Variants in CADPS observed in about 807,000 individuals in gnomAD.
CADPS encodes calcium dependent secretion activator.
CADPS carries 57 observed loss-of-function variants against 167.3 expected under a neutral mutation model. The observed-to-expected ratio is 0.34, with a 90% confidence interval of 0.28 to 0.42. CADPS has a LOEUF of 0.42. CADPS is among the 20% of genes least tolerant of loss of function. CADPS has a pLI of 1.00. For missense variants in CADPS, 1,414 were observed against 1,738.1 expected, an observed-to-expected ratio of 0.81 and a Z score of 3.32; for synonymous variants, 676 against 635.3, an observed-to-expected ratio of 1.06 and a Z score of -0.96.
intron 1 of CADPS, among the ~76,000 whole-genome samples, chr3:62,817,975 G>T (rs1172673017): frequency 2.0e-5 from 3 of 152,120 alleles, no homozygotes; most frequent in Non-Finnish European, 4.4e-5. Flanking sequence ...AATAATTATA[G>T]TAATACCTGT....
chr3:62,586,970 T>A (rs2148654903), intron 7 of CADPS, among the ~76,000 whole-genome samples: 1 of 152,370 alleles, frequency 6.6e-6, no homozygotes, highest in East Asian at 1.9e-4. Context: ...CAAGGTACAT[T>A]GTTGATGACA....
chr3:62,728,418 A>C (rs1242500075), intron 3 of CADPS, among the ~76,000 whole-genome samples: 5 of 151,778 alleles, frequency 3.3e-5, no homozygotes, highest in African/African-American at 1.2e-4. Context: ...TTTTTCCTAA[A>C]ATAAATTCAT....
At chr3:62,408,491 A>G (rs1384057233) in intron 28 of CADPS, among the ~76,000 whole-genome samples, 2 of 152,206 alleles carry the variant, frequency 1.3e-5, no homozygotes, top group Non-Finnish European at 2.9e-5. Flanking sequence ...GGAAGGGATT[A>G]GGCTTGAGAC....
At chr3:62,801,176 TA>T (rs2093740269) in intron 1 of CADPS, among the ~76,000 whole-genome samples, 1 of 152,104 alleles carries the variant, frequency 6.6e-6, no homozygotes, top group African/African-American at 2.4e-5. Flanking sequence ...TCAAGAACAC[TA>T]GTGAAATATG....
chr3:62,516,269 A>G lies in CADPS; in HGVS notation c.2458-87T>C, dbSNP rs2068971476. The G allele has an allele frequency of 4.0e-6, 6 of 1,510,720 alleles. No homozygotes were observed. In the Admixed American group the frequency reaches 1.1e-4, roughly 27 times the overall value. 93.6% of individuals were successfully genotyped at this position (1,510,720 alleles called of 1,614,324 possible). A position where few individuals can be genotyped will look rare whatever the true frequency, so the allele number is the denominator to read the frequency against. On this transcript the variant is annotated intron_variant, in intron 15 of 29. Coordinates refer to ENST00000383710, the MANE Select transcript of CADPS (RefSeq NM_003716.4). Reference sequence around the variant, plus strand: ...CTTCTTAGAAGCGTGAAAGTTTAAAATCAGTTCTTTGTGACTTAATAAGAT... The same window carrying G: ...CTTCTTAGAAGCGTGAAAGTTTAAAGTCAGTTCTTTGTGACTTAATAAGAT...
intron 6 of CADPS, among the ~76,000 whole-genome samples, chr3:62,627,582 A>C (rs1365264673): frequency 6.6e-6 from 1 of 152,158 alleles, no homozygotes; most frequent in Non-Finnish European, 1.5e-5. Context: ...ATAATCTGAG[A>C]ATCTTTAAAA....
At chr3:62,484,783 G>T (rs1452073) in intron 21 of CADPS, among the ~76,000 whole-genome samples, 149,356 of 152,258 alleles carry the variant, frequency 0.98, 73,380 homozygotes, top group African/African-American at 0.99. Flanking sequence ...AGAAGGGATA[G>T]AGTTGTACCT....
At chr3:62,800,158 C>G (rs534896614) in intron 1 of CADPS, among the ~76,000 whole-genome samples, 36 of 152,272 alleles carry the variant, frequency 2.4e-4, no homozygotes, top group Middle Eastern at 3.4e-3. Context: ...AGCACATGCC[C>G]TCTGCTGTGC....
chr3:62,601,341 A>G lies in CADPS; in HGVS notation c.1326-8593T>C, dbSNP rs2059936145. On this transcript the variant is annotated intron_variant, in intron 6 of 29. Transcript: ENST00000383710. The surrounding 1 kb of genome is among the most constrained non-coding windows in gnomAD (Gnocchi z 4.3). Reference sequence around the variant, plus strand: ...GCAATGGCAGAATTGAGTAGTTATGACAGAGAATATAGGGCCAACAAACCG... The same window carrying G: ...GCAATGGCAGAATTGAGTAGTTATGGCAGAGAATATAGGGCCAACAAACCG... Among the ~76,000 whole-genome samples, 1 of 152,212 alleles carries G rather than the reference A, an allele frequency of 6.6e-6. No homozygotes were observed. Among genetic ancestry groups the G allele is most frequent in the Non-Finnish European group, 1.5e-5 (1 of 68,042 alleles).
At chr3:62,751,765 G>A (rs1222559787) in intron 3 of CADPS, among the ~76,000 whole-genome samples, 1 of 152,048 alleles carries the variant, frequency 6.6e-6, no homozygotes, top group East Asian at 1.9e-4. Flanking sequence ...CTTTATTCTG[G>A]AGAGAGAAGA....
In CADPS at chr3:62,508,178, G is replaced by T. The variant is rs115807938; in HGVS notation, c.2599+4573C>A. 3.3e-3 allele frequency among the ~76,000 whole-genome samples: 499 copies of T among 152,280 alleles called. 6 individuals carry two copies. The highest frequency in any genetic ancestry group is 0.011 in the African/African-American group (472 of 41,544). ...AGCTCAGACCAGTTAATGGATTGTG[G>T]ATAGGGCCGTTATATCTTGGCTGAA... On this transcript the variant is annotated intron_variant, in intron 17 of 29. Transcript: ENST00000383710.
In CADPS at chr3:62,481,725, C is replaced by T. The variant is rs145097741; in HGVS notation, c.3171G>A (p.Ala1057=). The change falls in exon 22 of 30, where the codon GCG becomes GCA. Residue 1057 remains alanine (A), a splice_region_variant and synonymous_variant. Coordinates refer to ENST00000383710, the MANE Select transcript of CADPS (RefSeq NM_003716.4). ...APSWMAAIYD[A]DNGSGTSEDL... is the part of the protein sequence containing the mutation. Reference sequence around the variant, plus strand: ...TCTAATGTGAACTGAATACACACTCCGCATCATATATAGCAGCCATCCATG... The same window carrying T: ...TCTAATGTGAACTGAATACACACTCTGCATCATATATAGCAGCCATCCATG... The T allele has an allele frequency of 3.3e-4, 526 of 1,595,898 alleles. 5 individuals are homozygous for T. The African/African-American group carries it at 5.5e-3, about 17-fold the overall frequency.
chr3:62,722,836 G>A (rs1279219451), intron 3 of CADPS, among the ~76,000 whole-genome samples: 1 of 152,126 alleles, frequency 6.6e-6, no homozygotes, highest in Admixed American at 6.5e-5. Context: ...GTGCGTGGTG[G>A]GGGCCGTGAG....
chr3:62,605,759 G>A (rs760298773), intron 6 of CADPS, among the ~76,000 whole-genome samples: 2 of 152,162 alleles, frequency 1.3e-5, no homozygotes, highest in Non-Finnish European at 2.9e-5. Flanking sequence ...ATACGTCCTA[G>A]CCTGATTCTC....
chr3:62,592,272 TG>T (rs1043737225), intron 7 of CADPS, among the ~76,000 whole-genome samples: 1 of 152,326 alleles, frequency 6.6e-6, no homozygotes, highest in Admixed American at 6.5e-5. Context: ...GTCATTGTGT[TG>T]ACTTTAACAT....
At chr3:62,572,702 C>A (rs1239835117) in intron 8 of CADPS, among the ~76,000 whole-genome samples, 1 of 151,950 alleles carries the variant, frequency 6.6e-6, no homozygotes, top group Non-Finnish European at 1.5e-5. Context: ...CTTGATATAC[C>A]AATTATACAT....
intron 1 of CADPS, among the ~76,000 whole-genome samples, chr3:62,824,166 C>CAAAAAAAAAAAAA (rs3047274): frequency 7.9e-6 from 1 of 126,652 alleles, no homozygotes. Flanking sequence ...GCTATAACTT[C>CAAAAAAAAAAAAA]AAAAAAAAAA....
At chr3:62,711,458 G>T (rs1007789800) in intron 3 of CADPS, among the ~76,000 whole-genome samples, 1 of 152,162 alleles carries the variant, frequency 6.6e-6, no homozygotes, top group African/African-American at 2.4e-5. Flanking sequence ...TTGAATTCAT[G>T]GACCTCCTAA....
At chr3:62,660,871 C>T (rs374810719) in intron 4 of CADPS, among the ~76,000 whole-genome samples, 279 of 152,236 alleles carry the variant, frequency 1.8e-3, no homozygotes, top group Non-Finnish European at 3.0e-3. Flanking sequence ...AAATTTTGTG[C>T]CTGACATAAG....
Sources: allele counts gnomAD v4.1 joint callset (sites outside exome capture counted in the v4.1 genomes callset), GRCh38; gene constraint gnomAD v4.1.1; non-coding constraint Gnocchi (gnomAD v3.1); transcripts MANE v1.5; gene names NCBI Gene and HGNC (gene_info 2026-07-23, HGNC 2026-07-21).